CCDC138: variants seen among roughly 807,000 people sequenced by gnomAD.
CCDC138 encodes the protein coiled-coil domain containing 138, also known as coiled-coil domain-containing protein 138.
CCDC138 carries 66 observed loss-of-function variants against 82.3 expected under a neutral mutation model. The ratio of observed to expected loss-of-function variants is 0.80; its 90% CI spans 0.66 to 0.98. The LOEUF (loss-of-function observed/expected upper bound fraction) is 0.98, where lower values mean the gene tolerates loss of function less well. Among genes scored for constraint, CCDC138 ranks in the 50% least tolerant of loss-of-function variants. The pLI, the probability that CCDC138 is intolerant of heterozygous loss-of-function variation, is 0.00. For missense variants in CCDC138, 816 were observed against 758.9 expected, an observed-to-expected ratio of 1.08 and a Z score of -0.88; for synonymous variants, 297 against 265.4, an observed-to-expected ratio of 1.12 and a Z score of -1.16.
intron 10 of CCDC138, among the ~76,000 whole-genome samples, chr2:108,836,203 T>A (rs1250917947): frequency 6.6e-6 from 1 of 152,188 alleles, no homozygotes; most frequent in Non-Finnish European, 1.5e-5. Flanking sequence ...CCATTCAATT[T>A]TCTGCTTCAA....
intron 11 of CCDC138, among the ~76,000 whole-genome samples, chr2:108,841,132 G>A (rs1168166182): frequency 6.6e-6 from 1 of 152,022 alleles, no homozygotes; most frequent in Non-Finnish European, 1.5e-5. Context: ...CACCGTGTCT[G>A]GCTCAACCCT....
chr2:108,881,931 G>A (rs1259165382), intron 1 of CCDC138, among the ~76,000 whole-genome samples: 1 of 152,070 alleles, frequency 6.6e-6, no homozygotes, highest in Admixed American at 6.5e-5. Flanking sequence ...ATTGCTTGAG[G>A]CCAGGAGTTT....
At chr2:108,845,598 G>A (rs1690307145) in intron 11 of CCDC138, among the ~76,000 whole-genome samples, 1 of 140,208 alleles carries the variant, frequency 7.1e-6, no homozygotes, top group African/African-American at 2.7e-5. Context: ...TTGAGATGGA[G>A]TCTCGCTCTG....
intron 9 of CCDC138, among the ~76,000 whole-genome samples, chr2:108,815,593 G>A (rs1245136569): frequency 6.7e-6 from 1 of 150,110 alleles, no homozygotes; most frequent in Non-Finnish European, 1.5e-5. Flanking sequence ...AGCCTTCCGA[G>A]TAGCTGGGAT....
chr2:108,876,389 T>C lies in CCDC138; in HGVS notation c.*136T>C, dbSNP rs184753246. On this transcript the variant is annotated 3_prime_UTR_variant, in exon 15 of 15. Coordinates refer to ENST00000295124, the MANE Select transcript of CCDC138 (RefSeq NM_144978.3). ...TGAAAAATAAATAATTTTTTTGAAC[T>C]GTAAAAATGAAATCTGTAGAAGGTA... The C allele has an allele frequency of 3.8e-5, 20 of 523,078 alleles. No individual in the cohort carries two copies. The highest frequency in any genetic ancestry group is 3.6e-4 in the African/African-American group (19 of 52,156). 32.4% of individuals were successfully genotyped at this position (523,078 alleles called of 1,614,324 possible).
chr2:108,822,724 G>A (rs1194864249), intron 10 of CCDC138, among the ~76,000 whole-genome samples: 1 of 152,110 alleles, frequency 6.6e-6, no homozygotes, highest in Non-Finnish European at 1.5e-5. Context: ...AAATCCCAAG[G>A]AAAATTGGCA....
chr2:108,821,398 A>T (rs1004562977), intron 10 of CCDC138, among the ~76,000 whole-genome samples: 4 of 152,160 alleles, frequency 2.6e-5, no homozygotes, highest in Non-Finnish European at 5.9e-5. Context: ...ATAAAGTGGG[A>T]ATGTGGAGCC....
At chr2:108,857,493 TA>T (rs1487917356) in intron 13 of CCDC138, among the ~76,000 whole-genome samples, 1 of 152,188 alleles carries the variant, frequency 6.6e-6, no homozygotes, top group Non-Finnish European at 1.5e-5. Flanking sequence ...AACTGAGACT[TA>T]AAGCCACATC....
Position 108,856,870 on chromosome 2 carries a change from G to C in CCDC138, c.1593G>C (p.Glu531Asp), listed in dbSNP as rs906514948. Residue 531 changes from glutamate to aspartate, a missense_variant, in exon 13 of 15, where the codon GAG becomes GAC. Physicochemically the swap from Glu to Asp is conservative, Grantham distance 45. Coordinates refer to ENST00000295124, the MANE Select transcript of CCDC138 (RefSeq NM_144978.3). ...KTEEGKTLFL[E>D]YQAVPVILSH... ...AAGAAGGAAAAACCTTGTTTTTGGA[G>C]TATCAGGCTGTTCCAGTAATATTAA... 6 of 1,613,146 alleles carry C rather than the reference G, an allele frequency of 3.7e-6. No homozygotes were observed. Among genetic ancestry groups the C allele is most frequent in the Non-Finnish European group, 4.2e-6 (5 of 1,179,422 alleles).
chr2:108,863,477 G>A (rs76087907), intron 13 of CCDC138, among the ~76,000 whole-genome samples: 4,341 of 152,256 alleles, frequency 0.029, 195 homozygotes, highest in African/African-American at 0.1. Flanking sequence ...GTTAGTGAGG[G>A]CAGAGAAGTA....
intron 5 of CCDC138, among the ~76,000 whole-genome samples, chr2:108,798,164 A>G (rs897770347): frequency 2.6e-5 from 4 of 152,190 alleles, no homozygotes; most frequent in African/African-American, 7.2e-5. Context: ...CTAAATCTGC[A>G]TAGTGCTGAT....
chr2:108,874,292 G>C (rs551892087), intron 14 of CCDC138, among the ~76,000 whole-genome samples: 1 of 152,278 alleles, frequency 6.6e-6, no homozygotes, highest in East Asian at 1.9e-4. Context: ...AACTCTTATG[G>C]ACTGCCTACT....
At chr2:108,846,246 C>T (rs1352386633) in intron 11 of CCDC138, among the ~76,000 whole-genome samples, 1 of 152,154 alleles carries the variant, frequency 6.6e-6, no homozygotes, top group African/African-American at 2.4e-5. Flanking sequence ...TATGTTCTTA[C>T]ATGTTTTAGA....
chr2:108,824,185 A>C (rs976461328), intron 10 of CCDC138, among the ~76,000 whole-genome samples: 3 of 152,142 alleles, frequency 2.0e-5, no homozygotes, highest in Non-Finnish European at 2.9e-5. Flanking sequence ...TTCTTCATTA[A>C]CAAATTAAGC....
chr2:108,814,315 T>A (rs780187203), intron 9 of CCDC138, among the ~76,000 whole-genome samples: 1 of 152,168 alleles, frequency 6.6e-6, no homozygotes, highest in Non-Finnish European at 1.5e-5. Flanking sequence ...TTCCAGTGGG[T>A]GTGTAGTAGT....
intron 13 of CCDC138, among the ~76,000 whole-genome samples, chr2:108,863,884 C>G (rs906688019): frequency 3.3e-5 from 5 of 152,170 alleles, no homozygotes; most frequent in African/African-American, 1.2e-4. Context: ...TTAATGAGCG[C>G]TTTTAGCCAT....
At chr2:108,836,050 C>T (rs1688523858) in intron 10 of CCDC138, among the ~76,000 whole-genome samples, 1 of 152,178 alleles carries the variant, frequency 6.6e-6, no homozygotes, top group South Asian at 2.1e-4. Flanking sequence ...CTGACGTAAA[C>T]ACTTCCCAGT....
chr2:108,829,472 A>T (rs184360791), intron 10 of CCDC138, among the ~76,000 whole-genome samples: 1 of 152,220 alleles, frequency 6.6e-6, no homozygotes, highest in East Asian at 1.9e-4. Flanking sequence ...AAAAATAAAC[A>T]TGGTGGCCCA....
chr2:108,816,752 G>A (rs1684872994), intron 10 of CCDC138, among the ~76,000 whole-genome samples: 1 of 152,176 alleles, frequency 6.6e-6, no homozygotes, highest in African/African-American at 2.4e-5. Context: ...CTGGAGTGCA[G>A]TGGCCCAGTC....
Sources: allele counts gnomAD v4.1 joint callset (sites outside exome capture counted in the v4.1 genomes callset), GRCh38; gene constraint gnomAD v4.1.1; transcripts MANE v1.5; gene names NCBI Gene and HGNC (gene_info 2026-07-23, HGNC 2026-07-21).